The following SSBP3 variants were observed in gnomAD, a reference collection of about 807,000 sequenced individuals.
SSBP3 encodes single stranded DNA binding protein 3, also known as single-stranded DNA-binding protein 3.
A neutral mutation model predicts 69.6 loss-of-function variants in SSBP3; 5 were observed. The ratio of observed to expected loss-of-function variants is 0.07; its 90% CI spans 0.04 to 0.15. The LOEUF (loss-of-function observed/expected upper bound fraction) is 0.15. Ranked by LOEUF, SSBP3 falls within the 10% of genes least tolerant of loss-of-function variation. The probability of loss-of-function intolerance (pLI) is 1.00; values close to 1 mark genes in which losing one functional copy is unlikely to be tolerated. For synonymous variants in SSBP3, 196 were observed against 193.4 expected (o/e 1.01, Z -0.11); for missense variants, 312 against 534.0 (o/e 0.58, Z 4.10).
chr1:54,408,057 CTCAATGT>C (rs1649894621), upstream of SSBP3, among the ~76,000 whole-genome samples: 1 of 152,166 alleles, frequency 6.6e-6, no homozygotes, highest in South Asian at 2.1e-4. Flanking sequence ...TAATGTTCTA[CTCAATGT>C]AACAACCTCC....
intron 4 of SSBP3, among the ~76,000 whole-genome samples, chr1:54,365,507 G>A (rs751062434): frequency 6.6e-6 from 1 of 152,210 alleles, no homozygotes; most frequent in Admixed American, 6.5e-5. Context: ...AGAAAAGCAC[G>A]AAGCTGCCTA....
intron 4 of SSBP3, among the ~76,000 whole-genome samples, chr1:54,349,036 T>G (rs1646737736): frequency 6.6e-6 from 1 of 152,156 alleles, no homozygotes; most frequent in South Asian, 2.1e-4. Context: ...CACCTACCCA[T>G]TATGTGTTCT....
intron 4 of SSBP3, among the ~76,000 whole-genome samples, chr1:54,294,092 G>A (rs570583507): frequency 4.4e-5 from 6 of 135,322 alleles, no homozygotes; most frequent in East Asian, 2.5e-4. Flanking sequence ...GCAGTGAGCC[G>A]AGATCACGCC....
Position 54,241,054 on chromosome 1 carries a change from C to T in SSBP3, c.802-95G>A, listed in dbSNP as rs569875411. The stretch of plus-strand genomic sequence containing the variant: ...CCCTCCCTGGTCAGCAGCAACTGCT[C>T]GCCCCAGGCCCAGCCGCTATTCATC... On this transcript the variant is annotated intron_variant, in intron 12 of 17. Transcript: ENST00000610401. 1.1e-5 allele frequency: 15 copies of T among 1,365,734 alleles called. 1 individual carries two copies. Among genetic ancestry groups the T allele is most frequent in the Middle Eastern group, 1.9e-4 (1 of 5,348 alleles). 84.6% of individuals were successfully genotyped at this position (1,365,734 alleles called of 1,614,324 possible). A position where few individuals can be genotyped will look rare whatever the true frequency, so the allele number is the denominator to read the frequency against.
At chr1:54,402,037 G>A (rs1649342317) in intron 3 of SSBP3, 92 bp from the exon 4 acceptor site, 1 of 1,126,954 alleles carries the variant, frequency 8.9e-7, no homozygotes, top group Non-Finnish European at 1.3e-6. Context: ...AACAGTACTA[G>A]GTCTCCCAAA....
intron 3 of SSBP3, among the ~76,000 whole-genome samples, chr1:54,402,975 A>G (rs1338665991): frequency 6.6e-6 from 1 of 152,236 alleles, no homozygotes; most frequent in Non-Finnish European, 1.5e-5. Flanking sequence ...TCCTCGTCAC[A>G]AACAGCCAGC....
chr1:54,283,373 A>G (rs934679633), intron 4 of SSBP3, among the ~76,000 whole-genome samples: 3 of 152,180 alleles, frequency 2.0e-5, no homozygotes, highest in African/African-American at 7.2e-5. Context: ...GCATGCAACA[A>G]AATAAACGAA....
At chr1:54,376,087 A>G (rs1328033960) in intron 4 of SSBP3, among the ~76,000 whole-genome samples, 1 of 152,094 alleles carries the variant, frequency 6.6e-6, no homozygotes, top group Admixed American at 6.5e-5. Context: ...TTATGCAAAC[A>G]GGGACCCCTC....
At chr1:54,332,228 G>A (rs1347192051) in intron 4 of SSBP3, among the ~76,000 whole-genome samples, 4 of 152,184 alleles carry the variant, frequency 2.6e-5, no homozygotes, top group Non-Finnish European at 5.9e-5. Context: ...ATCAGATACT[G>A]GCAACCAAGG....
At chr1:54,330,938 T>C (rs1273747558) in intron 4 of SSBP3, among the ~76,000 whole-genome samples, 1 of 152,214 alleles carries the variant, frequency 6.6e-6, no homozygotes, top group Non-Finnish European at 1.5e-5. Flanking sequence ...CGGCAGAGCC[T>C]GGAAGTAATG....
Position 54,270,226 on chromosome 1 carries a change from A to G in SSBP3, c.366+11212T>C, listed in dbSNP as rs183096842. Among the ~76,000 whole-genome samples the G allele has an allele frequency of 1.4e-4, 21 of 152,332 alleles. No individual in the cohort carries two copies. The East Asian group carries it at 4.1e-3, about 29-fold the overall frequency. The stretch of plus-strand genomic sequence containing the variant: ...TACTCAGGTGAAATTCACCAGTGAC[A>G]GAATGCAGGCGCACAGGTGAAGACC... On this transcript the variant is annotated intron_variant, in intron 5 of 17. Coordinates refer to ENST00000610401, the Ensembl canonical transcript of SSBP3.
intron 4 of SSBP3, among the ~76,000 whole-genome samples, chr1:54,383,238 C>T (rs189682835): frequency 1.9e-4 from 29 of 151,788 alleles, no homozygotes; most frequent in African/African-American, 6.8e-4. Context: ...ATTAGCCGGG[C>T]GTGGTGGCGT....
exon 1 of SSBP3, chr1:54,406,038 G>A: frequency 1.6e-6 from 2 of 1,212,180 alleles, no homozygotes; most frequent in Non-Finnish European, 2.2e-6. Flanking sequence ...GCCGAGCCTC[G>A]CCGCCGCCGC....
chr1:54,371,090 G>A (rs964428008), intron 4 of SSBP3, among the ~76,000 whole-genome samples: 3 of 152,184 alleles, frequency 2.0e-5, no homozygotes, highest in African/African-American at 7.2e-5. Context: ...CCAAGGGGGG[G>A]TATGCTGAAG....
chr1:54,401,367 A>C (rs1451458149), intron 4 of SSBP3, among the ~76,000 whole-genome samples: 2 of 150,626 alleles, frequency 1.3e-5, no homozygotes, highest in African/African-American at 5.0e-5. Context: ...GTATGAGCCC[A>C]CCCACACCAA....
At chr1:54,275,412 C>T (rs1216284111) in intron 5 of SSBP3, among the ~76,000 whole-genome samples, 1 of 152,280 alleles carries the variant, frequency 6.6e-6, no homozygotes, top group Non-Finnish European at 1.5e-5. Flanking sequence ...CAAAGAGAGG[C>T]CTTTCCTGCT....
intron 13 of SSBP3, 67 bp from the exon 14 acceptor site, chr1:54,239,266 G>T: frequency 8.1e-7 from 1 of 1,232,456 alleles, no homozygotes; most frequent in Non-Finnish European, 1.2e-6. Context: ...CAAACTCATG[G>T]CACTGGAACT....
chr1:54,245,594 A>C (rs1191574052), intron 9 of SSBP3, among the ~76,000 whole-genome samples: 1 of 152,184 alleles, frequency 6.6e-6, no homozygotes, highest in Non-Finnish European at 1.5e-5. Flanking sequence ...AAGGATGTCC[A>C]GACAGGATGC....
At chr1:54,313,017 G>A (rs1388134993) in intron 4 of SSBP3, among the ~76,000 whole-genome samples, 2 of 150,058 alleles carry the variant, frequency 1.3e-5, no homozygotes, top group East Asian at 3.9e-4. Flanking sequence ...CGTGTGCCTG[G>A]AGCTTTTTTT....
Sources: gnomAD v4.1 joint callset for allele counts (sites outside exome capture counted in the v4.1 genomes callset) on GRCh38, gnomAD v4.1.1 for gene constraint, MANE v1.5 for transcripts, NCBI Gene and HGNC (gene_info 2026-07-23, HGNC 2026-07-21) for gene names.